Variants in CSMD1 observed in about 807,000 individuals in gnomAD.
CSMD1 encodes the protein CUB and Sushi multiple domains 1, also known as CUB and sushi domain-containing protein 1.
A neutral mutation model predicts 417.5 loss-of-function variants in CSMD1; 213 were observed. The observed-to-expected ratio is 0.51, with a 90% CI of 0.46 to 0.57. The LOEUF is 0.57. Ranked by LOEUF, CSMD1 falls within the 20% of genes least tolerant of loss-of-function variation. The pLI is 0.00. For missense variants in CSMD1, 6,923 were observed against 4,529.7 expected (o/e 1.53, Z -15.17); for synonymous variants, 2,862 against 1,736.8 (o/e 1.65, Z -16.11).
At chr8:3,753,784 A>G (rs1797492493) in intron 6 of CSMD1, 146 bp downstream of exon 6, 4 of 549,044 alleles carry the variant, frequency 7.3e-6, no homozygotes, top group Admixed American at 5.9e-5. Flanking sequence ...GCTGTCGACT[A>G]TATGATTTCC....
chr8:4,449,848 C>G lies in CSMD1; in HGVS notation c.303-29783G>C, dbSNP rs1563187175. Among the ~76,000 whole-genome samples the G allele has an allele frequency of 3.9e-5, 6 of 152,296 alleles. No homozygotes were observed. In the East Asian group the frequency reaches 1.2e-3, roughly 29 times the overall value. On this transcript the variant is annotated intron_variant, in intron 2 of 69. Coordinates refer to ENST00000635120, the MANE Select transcript of CSMD1 (RefSeq NM_033225.6). Reference sequence around the variant, plus strand: ...CTACGTTCCCTATCTCAGTAAATGACTTCATCCTCACCCAGTTTCTTTACT... The same window carrying G: ...CTACGTTCCCTATCTCAGTAAATGAGTTCATCCTCACCCAGTTTCTTTACT...
intron 18 of CSMD1, among the ~76,000 whole-genome samples, chr8:3,371,493 C>G (rs1809944447): frequency 6.9e-6 from 1 of 145,726 alleles, no homozygotes; most frequent in Non-Finnish European, 1.5e-5. Context: ...TTTTTTTTAA[C>G]ATGCCCACAT....
intron 1 of CSMD1, among the ~76,000 whole-genome samples, chr8:4,885,961 G>C (rs934448993): frequency 6.6e-6 from 1 of 150,904 alleles, no homozygotes; most frequent in African/African-American, 2.4e-5. Context: ...TTACATTTAG[G>C]TCTCTGATCC....
intron 3 of CSMD1, among the ~76,000 whole-genome samples, chr8:4,285,871 C>A (rs1368929870): frequency 6.6e-6 from 1 of 152,188 alleles, no homozygotes; most frequent in Non-Finnish European, 1.5e-5. Context: ...CTTGTGGTCT[C>A]TTCCAGCCTG....
chr8:3,902,283 C>T (rs1414460336), intron 5 of CSMD1, among the ~76,000 whole-genome samples: 1 of 152,134 alleles, frequency 6.6e-6, no homozygotes, highest in Non-Finnish European at 1.5e-5. Flanking sequence ...ATGCCCTCAC[C>T]CATTACTGTC....
At chr8:3,446,507 C>T (rs1344638436) in intron 12 of CSMD1, among the ~76,000 whole-genome samples, 1 of 152,182 alleles carries the variant, frequency 6.6e-6, no homozygotes. Flanking sequence ...AGTTCATGGT[C>T]ATGCTAGAAA....
At chr8:4,535,119 A>G (rs1408961303) in intron 2 of CSMD1, among the ~76,000 whole-genome samples, 1 of 152,222 alleles carries the variant, frequency 6.6e-6, no homozygotes, top group East Asian at 1.9e-4. Flanking sequence ...TACAATATTA[A>G]AAACATAATC....
intron 2 of CSMD1, among the ~76,000 whole-genome samples, chr8:4,459,236 G>C (rs146015209): frequency 1.3e-5 from 2 of 152,198 alleles, no homozygotes; most frequent in African/African-American, 4.8e-5. Context: ...GGTATGGGAG[G>C]CTCAACTCCA....
intron 2 of CSMD1, among the ~76,000 whole-genome samples, chr8:4,478,581 T>C (rs1003898038): frequency 2.6e-5 from 4 of 152,150 alleles, no homozygotes; most frequent in African/African-American, 9.7e-5. Flanking sequence ...TAAACGACAT[T>C]AATAATGAAG....
At chr8:3,944,607 C>G (rs1811101038) in intron 5 of CSMD1, among the ~76,000 whole-genome samples, 2 of 152,012 alleles carry the variant, frequency 1.3e-5, no homozygotes, top group South Asian at 4.2e-4. Flanking sequence ...CCAGATATGC[C>G]AACATATTCA....
At chr8:4,022,775 T>A (rs778826104) in intron 4 of CSMD1, among the ~76,000 whole-genome samples, 3 of 152,146 alleles carry the variant, frequency 2.0e-5, no homozygotes, top group African/African-American at 4.8e-5. Context: ...GAGAAAACAA[T>A]TGTATTCCAC....
At chr8:4,704,324 G>A (rs942257713) in intron 1 of CSMD1, among the ~76,000 whole-genome samples, 12 of 152,176 alleles carry the variant, frequency 7.9e-5, no homozygotes, top group African/African-American at 2.7e-4. Context: ...GTGTCTTACT[G>A]TACTCACAAA....
intron 12 of CSMD1, among the ~76,000 whole-genome samples, chr8:3,449,399 C>G (rs575629576): frequency 6.6e-6 from 1 of 152,066 alleles, no homozygotes; most frequent in Non-Finnish European, 1.5e-5. Flanking sequence ...TTTGCCAAGT[C>G]AGAGGAAACC....
intron 3 of CSMD1, among the ~76,000 whole-genome samples, chr8:4,289,844 G>A (rs1473774959): frequency 6.6e-6 from 1 of 152,302 alleles, no homozygotes; most frequent in South Asian, 2.1e-4. Flanking sequence ...CTGGCTCAGA[G>A]TAGATATTCA....
intron 3 of CSMD1, among the ~76,000 whole-genome samples, chr8:4,159,624 T>C (rs1797032889): frequency 6.6e-6 from 1 of 152,206 alleles, no homozygotes; most frequent in African/African-American, 2.4e-5. Context: ...AGTCTCACTC[T>C]GTCGCCCAGG....
rs1210187443 is a variant in CSMD1 at position 4,920,917 on chromosome 8, AAAAGAAAAG to A, written c.85+73406_85+73414del. On this transcript the variant is annotated intron_variant, in intron 1 of 69. Transcript: ENST00000635120. ...AAAAGAAAAGAAAAGAAAAGAAAAGAAAAGAAAAGAAAGAGAGAAAGAAAGAAAGAAAGA... is the reference window on the plus strand; with the variant it reads ...AAAAGAAAAGAAAAGAAAAGAAAAGAAAAGAGAGAAAGAAAGAAAGAAAGA... Among the ~76,000 whole-genome samples, 76 of 55,332 alleles carry A rather than the reference AAAAGAAAAG, an allele frequency of 1.4e-3. 7 individuals are homozygous for A. Among genetic ancestry groups the A allele is most frequent in the Admixed American group, 1.5e-3 (8 of 5,352 alleles). The allele number at this position is 55,332 out of a possible 152,430, so 36.3% of individuals were successfully genotyped here. A position where few individuals can be genotyped will look rare whatever the true frequency, so the allele number is the denominator to read the frequency against.
intron 3 of CSMD1, among the ~76,000 whole-genome samples, chr8:4,120,634 T>C (rs1046651988): frequency 1.2e-4 from 18 of 152,244 alleles, no homozygotes; most frequent in African/African-American, 4.3e-4. Context: ...TACCTGCCAC[T>C]GGCCTTCTCT....
At chr8:4,324,525 C>G (rs1369821236) in intron 3 of CSMD1, among the ~76,000 whole-genome samples, 1 of 152,108 alleles carries the variant, frequency 6.6e-6, no homozygotes, top group Admixed American at 6.6e-5. Flanking sequence ...TCTTCTCCAC[C>G]CCCAGGAGGT....
At chr8:4,745,764 G>A (rs1016874023) in intron 1 of CSMD1, among the ~76,000 whole-genome samples, 1 of 152,130 alleles carries the variant, frequency 6.6e-6, no homozygotes, top group Non-Finnish European at 1.5e-5. Flanking sequence ...TAAATCTATA[G>A]GAACACGCAT....
Sources: allele counts gnomAD v4.1 joint callset (sites outside exome capture counted in the v4.1 genomes callset), GRCh38; gene constraint gnomAD v4.1.1; transcripts MANE v1.5; gene names NCBI Gene and HGNC (gene_info 2026-07-23, HGNC 2026-07-21).